The following SLC7A5 variants were observed in gnomAD, a reference collection of about 807,000 sequenced individuals.
SLC7A5 encodes the protein large neutral amino acids transporter small subunit 1.
Under a neutral mutation model 50.2 loss-of-function variants are expected in SLC7A5, and 23 were observed. That is an observed-to-expected ratio of 0.46 (90% CI 0.33 to 0.65). The LOEUF is 0.65. Ranked by LOEUF, SLC7A5 falls within the 30% of genes least tolerant of loss-of-function variation. The pLI is 0.02. For synonymous variants in SLC7A5, 393 were observed against 330.6 expected (o/e 1.19, Z -2.05); for missense variants, 578 against 684.4 (o/e 0.84, Z 1.73).
At chr16:87,855,604 G>A (rs1046265179) in intron 1 of SLC7A5, among the ~76,000 whole-genome samples, 7 of 151,970 alleles carry the variant, frequency 4.6e-5, no homozygotes, top group African/African-American at 1.2e-4. Flanking sequence ...TGCGGCAGCC[G>A]GCTCTGCTCA....
At position 87,852,673 on chromosome 16, in the gene SLC7A5, T is replaced by TGTGTGC. The variant is rs2055250457; in HGVS notation, c.539-825_539-824insGCACAC. ...GTGTGTGTGTGTGTGTGTGTGTGTG[T>TGTGTGC]GTGTGTGTGTGTGTTGGGGGTTCTG... On this transcript the variant is annotated intron_variant, in intron 1 of 9. Transcript: ENST00000261622. This position sits in a 1 kb window ranked among gnomAD's most constrained non-coding sequence, Gnocchi z 4.5. Among the ~76,000 whole-genome samples the TGTGTGC allele has an allele frequency of 6.7e-6, 1 of 150,052 alleles. No individual in the cohort carries two copies. The highest frequency in any genetic ancestry group is 6.6e-5 in the Admixed American group (1 of 15,076).
intron 1 of SLC7A5, among the ~76,000 whole-genome samples, chr16:87,863,384 G>C (rs2055422601): frequency 6.6e-6 from 1 of 152,158 alleles, no homozygotes; most frequent in African/African-American, 2.4e-5. Flanking sequence ...GCCCAGGGAG[G>C]TCAGATAAAC....
At chr16:87,866,506 C>T (rs151078846) in intron 1 of SLC7A5, among the ~76,000 whole-genome samples, 3,261 of 152,078 alleles carry the variant, frequency 0.021, 114 homozygotes, top group African/African-American at 0.074. Context: ...CGCCTTGTTG[C>T]CCAGGCTGGA....
chr16:87,856,507 AG>A (rs755877939), intron 1 of SLC7A5, among the ~76,000 whole-genome samples: 114 of 152,332 alleles, frequency 7.5e-4, no homozygotes, highest in Middle Eastern at 3.4e-3. Flanking sequence ...CACCGGGCAC[AG>A]GTACCAGCCC....
At chr16:87,854,449 A>ACCTT (rs2055288516) in intron 1 of SLC7A5, among the ~76,000 whole-genome samples, 1 of 152,162 alleles carries the variant, frequency 6.6e-6, no homozygotes. Flanking sequence ...GTACCTTTCG[A>ACCTT]CCTTAAGGAG....
chr16:87,859,295 T>C (rs2055358542), intron 1 of SLC7A5, among the ~76,000 whole-genome samples: 1 of 152,130 alleles, frequency 6.6e-6, no homozygotes, highest in Admixed American at 6.5e-5. Flanking sequence ...CCCTACACGG[T>C]AGCAGGTGAA....
chr16:87,863,927 GC>G (rs1567502926), intron 1 of SLC7A5, among the ~76,000 whole-genome samples: 1 of 145,424 alleles, frequency 6.9e-6, no homozygotes, highest in East Asian at 2.0e-4. Context: ...GGTAAAAGGT[GC>G]CCTTTCCCTT....
rs79968222 is a variant in SLC7A5, at chr16:87,861,843, G to A, written c.538+7042C>T. Among the ~76,000 whole-genome samples the A allele has an allele frequency of 6.6e-6, 1 of 152,218 alleles. No individual in the cohort carries two copies. Among genetic ancestry groups the A allele is most frequent in the Non-Finnish European group, 1.5e-5 (1 of 68,034 alleles). ...ATGTGCTTCTGTGAGCTCCCCCTAC[G>A]GCCTTGCCCCGAATCCCGTGATGCA... is the stretch of plus-strand genomic sequence containing the variant. On this transcript the variant is annotated intron_variant, in intron 1 of 9. Transcript: ENST00000261622. This position sits in a 1 kb window ranked among gnomAD's most constrained non-coding sequence, Gnocchi z 4.2.
chr16:87,860,987 G>A lies in SLC7A5; in HGVS notation c.538+7898C>T, dbSNP rs2055390620. On this transcript the variant is annotated intron_variant, in intron 1 of 9. Coordinates refer to ENST00000261622, the MANE Select transcript of SLC7A5 (RefSeq NM_003486.7). The surrounding 1 kb of genome is among the most constrained non-coding windows in gnomAD (Gnocchi z 4.8). ...CTTCCAGAGGGAGAATTCAGGATTCGGCCAGTATCAGGGAAGGAGACGCTG... is the reference window on the plus strand; with the variant it reads ...CTTCCAGAGGGAGAATTCAGGATTCAGCCAGTATCAGGGAAGGAGACGCTG... Among the ~76,000 whole-genome samples, 1 of 152,222 alleles carries A rather than the reference G, an allele frequency of 6.6e-6. No homozygotes were observed. The highest frequency in any genetic ancestry group is 6.5e-5 in the Admixed American group (1 of 15,284).
In SLC7A5 at chr16:87,837,917, T is replaced by A. The variant is rs760768035; in HGVS notation, c.1068A>T (p.Glu356Asp). 4.2e-5 allele frequency: 67 copies of A among 1,607,040 alleles called. 1 individual carries two copies. The East Asian group carries it at 1.5e-3, about 36-fold the overall frequency. ...SSRLFFVGSREGHLPSILSMI... is the reference protein window; with the variant it reads ...SSRLFFVGSRDGHLPSILSMI... ...TGGAGAGGATGGAGGGCAGGTGGCC[T>A]TCCCGGGACCCCACGAAGAAGAGCC... Residue 356 changes from glutamate to aspartate, a missense_variant, in exon 7 of 10, where the codon GAA (glutamate) becomes GAT (aspartate). Coordinates refer to ENST00000261622, the MANE Select transcript of SLC7A5 (RefSeq NM_003486.7).
At position 87,841,273 on chromosome 16, in the gene SLC7A5, C is replaced by CTT. The variant is rs1422036150; in HGVS notation, c.665-120_665-119dup. 7 of 721,798 alleles carry CTT rather than the reference C, an allele frequency of 9.7e-6. No individual in the cohort carries two copies. Among genetic ancestry groups the CTT allele is most frequent in the Middle Eastern group, 4.8e-4 (2 of 4,190 alleles). The allele number at this position is 721,798 out of a possible 1,614,324, so 44.7% of individuals were successfully genotyped here. ...GCAAACAAAAATGCTGGAGTGAAGGCTTTTCACTGTGACAAATGGTATGTA... is the reference window on the plus strand; with the variant it reads ...GCAAACAAAAATGCTGGAGTGAAGGCTTTTTTCACTGTGACAAATGGTATGTA... On this transcript the variant is annotated intron_variant, in intron 2 of 9. Coordinates refer to ENST00000261622, the MANE Select transcript of SLC7A5 (RefSeq NM_003486.7). The surrounding 1 kb of genome is among the most constrained non-coding windows in gnomAD (Gnocchi z 4.8).
chr16:87,868,103 G>A (rs1256604526), intron 1 of SLC7A5, among the ~76,000 whole-genome samples: 56 of 146,606 alleles, frequency 3.8e-4, no homozygotes, highest in Non-Finnish European at 7.5e-4. Flanking sequence ...GCGACTGAGC[G>A]GGACTCAGTG....
chr16:87,843,019 G>C (rs748439317), intron 2 of SLC7A5, among the ~76,000 whole-genome samples: 1 of 152,120 alleles, frequency 6.6e-6, no homozygotes, highest in Admixed American at 6.5e-5. Context: ...ATGCAGACCT[G>C]CCAGGCTGCT....
intron 1 of SLC7A5, among the ~76,000 whole-genome samples, chr16:87,863,998 T>TATATATATATAC (rs1410274815): frequency 0.028 from 3,921 of 137,604 alleles, 146 homozygotes; most frequent in South Asian, 0.052. Flanking sequence ...TATATATATA[T>TATATATATATAC]ATATATATAT....
intron 7 of SLC7A5, chr16:87,837,522 C>G (rs906172994): frequency 2.6e-6 from 1 of 387,952 alleles, no homozygotes; most frequent in African/African-American, 2.0e-5. Flanking sequence ...GTGTGATGCA[C>G]CCCGCTGAGA....
chr16:87,844,430 T>C (rs532783092), intron 2 of SLC7A5, among the ~76,000 whole-genome samples: 1 of 152,198 alleles, frequency 6.6e-6, no homozygotes, highest in East Asian at 1.9e-4. Context: ...GATGCGGCCA[T>C]GGGAACCATC....
In SLC7A5 at chr16:87,836,492, G is replaced by A; in HGVS notation, c.1290+6C>T. ...TGCCTGGGTGAGCGGGAGGCCCCGG[G>A]CTCACCTTGATGGGCCGCTCAAGCT... On this transcript the variant is annotated splice_donor_region_variant and intron_variant, in intron 8 of 9. Coordinates refer to ENST00000261622, the MANE Select transcript of SLC7A5 (RefSeq NM_003486.7). The A allele has an allele frequency of 2.5e-6, 4 of 1,609,428 alleles. No individual in the cohort carries two copies. Among genetic ancestry groups the A allele is most frequent in the Non-Finnish European group, 1.7e-6 (2 of 1,179,870 alleles).
At chr16:87,868,748 G>C (rs953281666) in intron 1 of SLC7A5, 137 bp downstream of exon 1, 1 of 893,218 alleles carries the variant, frequency 1.1e-6, no homozygotes, top group Non-Finnish European at 1.8e-6. Context: ...TGGGACCAAT[G>C]ACCTTAGCCT....
In SLC7A5 at chr16:87,836,546, G is replaced by A; in HGVS notation, c.1242C>T (p.Gly414=). 1 of 1,613,468 alleles carries A rather than the reference G, an allele frequency of 6.2e-7. No individual in the cohort carries two copies. The highest frequency in any genetic ancestry group is 1.3e-5 in the African/African-American group (1 of 75,078). ...NWLCVALAII[G]MIWLRHRKPE... ...GCTTTCTGTGGCGCAGCCAGATCAT[G>A]CCGATGATGGCCAGGGCCACGCAGA... Residue 414 remains glycine (G), a synonymous_variant, in exon 8 of 10, where the codon GGC becomes GGT. Coordinates refer to ENST00000261622, the MANE Select transcript of SLC7A5 (RefSeq NM_003486.7).
Sources: gnomAD v4.1 joint callset for allele counts (sites outside exome capture counted in the v4.1 genomes callset) on GRCh38, gnomAD v4.1.1 for gene constraint, Gnocchi (gnomAD v3.1) non-coding constraint, MANE v1.5 for transcripts, NCBI Gene and HGNC (gene_info 2026-07-23, HGNC 2026-07-21) for gene names.